OTOG: variants seen among roughly 807,000 people sequenced by gnomAD.
OTOG encodes the protein otogelin.
In OTOG, 296 loss-of-function variants were observed where a neutral mutation model predicts 313.8. That is an observed-to-expected ratio of 0.94 (90% confidence interval 0.86 to 1.04). The LOEUF (loss-of-function observed/expected upper bound fraction) is 1.04. Ranked by LOEUF, OTOG falls within the 50% of genes least tolerant of loss-of-function variation. The pLI, the probability that OTOG is intolerant of heterozygous loss-of-function variation, is 0.00. For missense variants in OTOG, 3,948 were observed against 3,840.1 expected, an observed-to-expected ratio of 1.03 and a Z score of -0.74; for synonymous variants, 1,533 against 1,554.9, an observed-to-expected ratio of 0.99 and a Z score of 0.33.
chr11:17,549,879 C>T (rs1851897836), intron 3 of OTOG, among the ~76,000 whole-genome samples: 2 of 152,108 alleles, frequency 1.3e-5, no homozygotes, highest in Non-Finnish European at 2.9e-5. Context: ...GGCTCATGTA[C>T]CAGGGATACT....
intron 51 of OTOG, 115 bp downstream of exon 51, chr11:17,641,206 C>G (rs897981153): frequency 2.2e-5 from 25 of 1,158,380 alleles, no homozygotes; most frequent in Non-Finnish European, 2.7e-5. Context: ...CAGGACAAGT[C>G]AGAGGGGCCC....
At chr11:17,571,575 T>C (rs1250663777) in intron 17 of OTOG, among the ~76,000 whole-genome samples, 1 of 152,152 alleles carries the variant, frequency 6.6e-6, no homozygotes, top group African/African-American at 2.4e-5. Flanking sequence ...GAATTGCCCA[T>C]GGAGAAAGGG....
At chr11:17,597,094 T>G in intron 30 of OTOG, 87 bp downstream of exon 30, 1 of 1,460,554 alleles carries the variant, frequency 6.8e-7, no homozygotes, top group Non-Finnish European at 9.1e-7. Context: ...CTGTCTAGCA[T>G]TTACTGAGTA....
Position 17,578,486 on chromosome 11 carries a change from GC to G in OTOG, c.2722del (p.Arg908ValfsTer42). On this transcript the variant is annotated frameshift_variant, in exon 23 of 56. Coordinates refer to ENST00000399397, the MANE Select transcript of OTOG (RefSeq NM_001292063.2). LOFTEE classifies it high-confidence loss of function. ...EQQLLNLSVS[A>X]RGPCLSGCAC... ...GCAACTGCTGAACCTGAGCGTGTCA[GC>G]CCGTGGCCCCTGCCTCTCGGGCTGC... is the stretch of plus-strand genomic sequence containing the variant. The G allele has an allele frequency of 6.5e-7, 1 of 1,539,610 alleles. No individual in the cohort carries two copies. The highest frequency in any genetic ancestry group is 8.7e-7 in the Non-Finnish European group (1 of 1,146,696).
chr11:17,547,465 C>T lies in OTOG; in HGVS notation c.93C>T (p.Leu31=), dbSNP rs776961395. The change falls in exon 1 of 56, where the codon CTC becomes CTT. Residue 31 remains leucine (L), a splice_region_variant and synonymous_variant. Coordinates refer to ENST00000399397, the MANE Select transcript of OTOG (RefSeq NM_001292063.2). ...CCGAGTCCCTGCGGGTGCAGCGCCT[C>T]GGTGAGAGGGTTGTGGACTCAGGGA... The part of the protein sequence containing the change: ...QAAESLRVQR[L]AAAPVLWGSA... The T allele has an allele frequency of 9.4e-5, 128 of 1,366,386 alleles. No individual in the cohort carries two copies. The highest frequency in any genetic ancestry group is 5.4e-4 in the Admixed American group (16 of 29,840). The allele number at this position is 1,366,386 out of a possible 1,614,324, so 84.6% of individuals were successfully genotyped here.
At position 17,610,936 on chromosome 11, in the gene OTOG, G is replaced by A; in HGVS notation, c.5636G>A (p.Gly1879Glu). Reference protein sequence around the residue: ...AAGTAPGLLLGATLPTSGVLP... With the variant: ...AAGTAPGLLLEATLPTSGVLP... The stretch of plus-strand genomic sequence containing the variant: ...GGCACAGCTCCAGGCCTGCTGCTGG[G>A]AGCCACATTGCCAACCTCTGGAGTC... The change falls in exon 36 of 56, where the codon GGA becomes GAA. Residue 1879 changes from glycine (G) to glutamate (E), a missense_variant. Physicochemically the swap from Gly to Glu is moderately conservative, Grantham distance 98. Coordinates refer to ENST00000399397, the MANE Select transcript of OTOG (RefSeq NM_001292063.2). The A allele has an allele frequency of 6.4e-7, 1 of 1,550,436 alleles. No homozygotes were observed. Among genetic ancestry groups the A allele is most frequent in the African/African-American group, 1.4e-5 (1 of 73,140 alleles).
chr11:17,612,435 C>A (rs1481039742), intron 37 of OTOG, 105 bp downstream of exon 37: 3 of 1,418,536 alleles, frequency 2.1e-6, no homozygotes, highest in African/African-American at 2.9e-5. Flanking sequence ...CCTGTGGGAC[C>A]CCGACCTGGC....
chr11:17,615,689 G>C (rs939854990), intron 39 of OTOG, among the ~76,000 whole-genome samples: 4 of 152,188 alleles, frequency 2.6e-5, no homozygotes, highest in Non-Finnish European at 5.9e-5. Flanking sequence ...TCAGCAGTTT[G>C]GGAGGCCGAG....
Position 17,573,075 on chromosome 11 carries a change from C to A in OTOG, c.2081-3C>A. On this transcript the variant is annotated splice_region_variant and splice_polypyrimidine_tract_variant and intron_variant, in intron 18 of 55. Transcript: ENST00000399397. The stretch of plus-strand genomic sequence containing the variant: ...TGCCTGGCTCCTGTTCTTCCTTCCC[C>A]AGCCTCCTACTCAGTGCAGGCCTGC... The A allele has an allele frequency of 6.5e-7, 1 of 1,539,300 alleles. No individual in the cohort carries two copies. The highest frequency in any genetic ancestry group is 8.8e-7 in the Non-Finnish European group (1 of 1,140,048).
intron 3 of OTOG, among the ~76,000 whole-genome samples, chr11:17,550,347 A>T (rs1851906739): frequency 6.6e-6 from 1 of 152,210 alleles, no homozygotes; most frequent in African/African-American, 2.4e-5. Context: ...TCATAAAATG[A>T]TATTGTGATA....
At chr11:17,593,865 G>C in intron 27 of OTOG, 109 bp downstream of exon 27, 1 of 1,440,352 alleles carries the variant, frequency 6.9e-7, no homozygotes, top group Non-Finnish European at 9.4e-7. Flanking sequence ...GCATGCCTCT[G>C]TTCTCTCCTC....
At chr11:17,567,615 G>C (rs1852315531) in intron 15 of OTOG, among the ~76,000 whole-genome samples, 1 of 152,222 alleles carries the variant, frequency 6.6e-6, no homozygotes, top group African/African-American at 2.4e-5. Flanking sequence ...AAGGACTGGA[G>C]TTACAGGCGT....
At chr11:17,572,954 C>A in intron 18 of OTOG, 124 bp from the exon 19 acceptor site, 1 of 917,410 alleles carries the variant, frequency 1.1e-6, no homozygotes, top group South Asian at 1.8e-5. Flanking sequence ...AAGTAGCTGC[C>A]TACATCCGTA....
chr11:17,634,773 A>G, intron 44 of OTOG, 71 bp from the exon 45 acceptor site: 1 of 1,325,632 alleles, frequency 7.5e-7, no homozygotes, highest in Non-Finnish European at 1.0e-6. Context: ...GCAGTTGTCC[A>G]GTGTTCTCCA....
rs1852195473 is a variant in OTOG at position 17,561,922 on chromosome 11, C to T, written c.1644+115C>T. 2.3e-6 allele frequency: 3 copies of T among 1,297,720 alleles called. No individual in the cohort carries two copies. The African/African-American group carries it at 4.4e-5, about 19-fold the overall frequency. The allele number at this position is 1,297,720 out of a possible 1,614,324, so 80.4% of individuals were successfully genotyped here. On this transcript the variant is annotated intron_variant, in intron 15 of 55. Coordinates refer to ENST00000399397, the MANE Select transcript of OTOG (RefSeq NM_001292063.2). ...TCTTCCCATGGCCCCCACCTGCTGC[C>T]TCTTCTCTCTGGGGAGAAGACTGGA...
Position 17,610,471 on chromosome 11 carries a change from A to C in OTOG, c.5171A>C (p.Glu1724Ala). The change falls in exon 36 of 56, where the codon GAG becomes GCG. Residue 1724 changes from glutamate to alanine, a missense_variant. By Grantham distance (107) the Glu-to-Ala change is moderately radical. Transcript: ENST00000399397. ...AGCTTGGAGATAGTGCTATCCACAG[A>C]GAAGGGCGAAGCCGGGCACAGCCAG... is the stretch of plus-strand genomic sequence containing the variant. ...TRSLEIVLST[E>A]KGEAGHSQPM... 1.9e-6 allele frequency: 3 copies of C among 1,550,594 alleles called. No individual in the cohort carries two copies. The highest frequency in any genetic ancestry group is 2.6e-6 in the Non-Finnish European group (3 of 1,146,988).
chr11:17,602,150 G>A, intron 31 of OTOG, 60 bp from the exon 32 acceptor site: 2 of 1,531,098 alleles, frequency 1.3e-6, no homozygotes, highest in Non-Finnish European at 1.8e-6. Context: ...GGTGGGGCAG[G>A]AGGTATGGGA....
intron 39 of OTOG, among the ~76,000 whole-genome samples, chr11:17,615,039 G>C (rs2134101782): frequency 6.6e-6 from 1 of 152,274 alleles, no homozygotes; most frequent in East Asian, 1.9e-4. Context: ...GCACGTGTTT[G>C]TTTGTTTGTT....
At chr11:17,625,860 C>G (rs1198338211) in intron 39 of OTOG, among the ~76,000 whole-genome samples, 1 of 152,076 alleles carries the variant, frequency 6.6e-6, no homozygotes, top group Non-Finnish European at 1.5e-5. Flanking sequence ...GGGTATTATT[C>G]AAGAAATTTT....
Sources: allele counts gnomAD v4.1 joint callset (sites outside exome capture counted in the v4.1 genomes callset), GRCh38; gene constraint gnomAD v4.1.1; transcripts MANE v1.5; gene names NCBI Gene and HGNC (gene_info 2026-07-23, HGNC 2026-07-21).